EPHA6: variants seen among roughly 807,000 people sequenced by gnomAD.
EPHA6 encodes ephrin type-A receptor 6.
A neutral mutation model predicts 112.0 loss-of-function variants in EPHA6; 50 were observed. The ratio of observed to expected loss-of-function variants is 0.45; its 90% CI spans 0.36 to 0.56. The LOEUF (loss-of-function observed/expected upper bound fraction) is 0.56, where lower values mean the gene tolerates loss of function less well. Among genes scored for constraint, EPHA6 ranks in the 20% least tolerant of loss-of-function variants. The pLI, the probability that EPHA6 is intolerant of heterozygous loss-of-function variation, is 0.00. For missense variants in EPHA6, 1,280 were observed against 1,417.4 expected (o/e 0.90, Z 1.56); for synonymous variants, 529 against 490.7 (o/e 1.08, Z -1.03).
Position 97,756,356 on chromosome 3 carries a change from T to A in EPHA6, c.*7655T>A, listed in dbSNP as rs1411920528. Among the ~76,000 whole-genome samples, 1 of 152,000 alleles carries A rather than the reference T, an allele frequency of 6.6e-6. No individual in the cohort carries two copies. Among genetic ancestry groups the A allele is most frequent in the Admixed American group, 6.5e-5 (1 of 15,272 alleles). On this transcript the variant is annotated 3_prime_UTR_variant, in exon 18 of 18. Coordinates refer to ENST00000389672, the MANE Select transcript of EPHA6 (RefSeq NM_001080448.3). ...TCAATGTGATTGATATGCTCATTGTTAAATTTAACTTGTTTAAATATCCAT... is the reference window on the plus strand; with the variant it reads ...TCAATGTGATTGATATGCTCATTGTAAAATTTAACTTGTTTAAATATCCAT...
chr3:97,110,011 G>A (rs896809469), intron 3 of EPHA6, among the ~76,000 whole-genome samples: 1 of 152,032 alleles, frequency 6.6e-6, no homozygotes, highest in Non-Finnish European at 1.5e-5. Flanking sequence ...AGAATGAAAA[G>A]AGGTATTAAA....
Position 96,965,064 on chromosome 3 carries a change from A to G in EPHA6, c.451-22266A>G, listed in dbSNP as rs201776947. 2.0e-5 allele frequency among the ~76,000 whole-genome samples: 3 copies of G among 152,164 alleles called. No individual in the cohort carries two copies. In the East Asian group the frequency reaches 5.8e-4, roughly 29 times the overall value. On this transcript the variant is annotated intron_variant, in intron 2 of 17. Transcript: ENST00000389672. ...TCGGAAGTGAGTTTCAGAAACAGCT[A>G]GATTGGTTGCAGGTTGGCATTTGCC... is the stretch of plus-strand genomic sequence containing the variant.
Position 97,747,422 on chromosome 3 carries a change from G to T in EPHA6, c.3129-1G>T. The T allele has an allele frequency of 6.5e-7, 1 of 1,534,756 alleles. No homozygotes were observed. Among genetic ancestry groups the T allele is most frequent in the Non-Finnish European group, 8.8e-7 (1 of 1,140,316 alleles). Reference sequence around the variant, plus strand: ...TTTTGTTTTGTTTTGTTTTCTTACAGAATGCCAGAGTCCCCTGGTGAAGTT... The same window carrying T: ...TTTTGTTTTGTTTTGTTTTCTTACATAATGCCAGAGTCCCCTGGTGAAGTT... On this transcript the variant is annotated splice_acceptor_variant, in intron 16 of 17. Transcript: ENST00000389672. LOFTEE classifies it high-confidence loss of function.
At chr3:97,491,726 C>T (rs1215489889) in intron 10 of EPHA6, among the ~76,000 whole-genome samples, 1 of 151,546 alleles carries the variant, frequency 6.6e-6, no homozygotes, top group Non-Finnish European at 1.5e-5. Context: ...ACCCAGTCAT[C>T]CCCAGGCCTA....
intron 13 of EPHA6, among the ~76,000 whole-genome samples, chr3:97,620,606 A>C (rs535728022): frequency 1.1e-3 from 172 of 152,280 alleles, no homozygotes; most frequent in African/African-American, 3.7e-3. Context: ...AACTGGTCAA[A>C]GGACATGAAC....
chr3:97,119,520 A>G (rs2047984945), intron 3 of EPHA6, among the ~76,000 whole-genome samples: 1 of 151,922 alleles, frequency 6.6e-6, no homozygotes, highest in Non-Finnish European at 1.5e-5. Flanking sequence ...TCAAAAATCA[A>G]AGCCGCAGAA....
At chr3:97,063,098 G>T (rs903910732) in intron 3 of EPHA6, among the ~76,000 whole-genome samples, 1 of 152,110 alleles carries the variant, frequency 6.6e-6, no homozygotes, top group Admixed American at 6.6e-5. Context: ...ATACACTGTC[G>T]GTGGGAGTAT....
chr3:97,589,976 T>G (rs945192815), intron 11 of EPHA6, among the ~76,000 whole-genome samples: 2 of 152,174 alleles, frequency 1.3e-5, no homozygotes, highest in Non-Finnish European at 2.9e-5. Flanking sequence ...AGACTAAAAC[T>G]AATTTATATC....
At chr3:96,999,515 C>G (rs1031424705) in intron 3 of EPHA6, among the ~76,000 whole-genome samples, 1 of 145,390 alleles carries the variant, frequency 6.9e-6, no homozygotes, top group Non-Finnish European at 1.6e-5. Flanking sequence ...CTATCACATA[C>G]CAACAATGAC....
At chr3:97,683,645 T>C (rs907220695) in intron 14 of EPHA6, among the ~76,000 whole-genome samples, 1 of 152,174 alleles carries the variant, frequency 6.6e-6, no homozygotes, top group Non-Finnish European at 1.5e-5. Flanking sequence ...TTAAATTCCC[T>C]GAAGCATGGC....
intron 5 of EPHA6, among the ~76,000 whole-genome samples, chr3:97,327,915 GTA>G (rs1160348350): frequency 6.4e-5 from 8 of 124,678 alleles, no homozygotes; most frequent in African/African-American, 3.5e-4. Context: ...GTATATATAT[GTA>G]TATGTGCATA....
intron 2 of EPHA6, among the ~76,000 whole-genome samples, chr3:96,944,146 A>G (rs1017596420): frequency 1.5e-4 from 23 of 152,178 alleles, no homozygotes; most frequent in African/African-American, 5.6e-4. Flanking sequence ...AAACCATGCT[A>G]GTTAGACTTT....
chr3:96,930,439 C>G (rs2040253191), intron 2 of EPHA6, among the ~76,000 whole-genome samples: 1 of 152,134 alleles, frequency 6.6e-6, no homozygotes, highest in Non-Finnish European at 1.5e-5. Context: ...TTTTAACAGT[C>G]AGAACACCCT....
At chr3:96,886,468 T>C (rs1433645043) in intron 2 of EPHA6, among the ~76,000 whole-genome samples, 1 of 152,230 alleles carries the variant, frequency 6.6e-6, no homozygotes, top group African/African-American at 2.4e-5. Context: ...CTTTAAAGTT[T>C]GTTTTGTCTG....
intron 5 of EPHA6, among the ~76,000 whole-genome samples, chr3:97,313,500 A>G (rs1284483262): frequency 1.3e-5 from 2 of 151,584 alleles, no homozygotes; most frequent in Non-Finnish European, 3.0e-5. Context: ...ATTCCCACAA[A>G]CATTGTACAA....
chr3:97,341,378 C>T (rs572208134), intron 5 of EPHA6, among the ~76,000 whole-genome samples: 10 of 150,434 alleles, frequency 6.6e-5, no homozygotes, highest in African/African-American at 1.2e-4. Flanking sequence ...TTTTTTCAGA[C>T]GGAGTCTTGC....
intron 3 of EPHA6, among the ~76,000 whole-genome samples, chr3:97,097,558 TTAAATGGAA>T (rs2108250262): frequency 6.6e-6 from 1 of 151,928 alleles, no homozygotes; most frequent in East Asian, 1.9e-4. Context: ...TCTTTTTTTT[TTAAATGGAA>T]TAATCATATG....
At chr3:96,948,695 T>C (rs2041393508) in intron 2 of EPHA6, among the ~76,000 whole-genome samples, 1 of 152,142 alleles carries the variant, frequency 6.6e-6, no homozygotes, top group Non-Finnish European at 1.5e-5. Context: ...CTCAAGAAAT[T>C]TGTACGTATA....
intron 14 of EPHA6, among the ~76,000 whole-genome samples, chr3:97,646,777 T>C (rs544150419): frequency 3.3e-5 from 5 of 152,328 alleles, no homozygotes; most frequent in Non-Finnish European, 5.9e-5. Flanking sequence ...TCACAAGTTA[T>C]GTGAAATGGG....
Sources: gnomAD v4.1 joint callset for allele counts (sites outside exome capture counted in the v4.1 genomes callset) on GRCh38, gnomAD v4.1.1 for gene constraint, MANE v1.5 for transcripts, NCBI Gene and HGNC (gene_info 2026-07-23, HGNC 2026-07-21) for gene names.